The following PARVA variants were observed in gnomAD, a reference collection of about 807,000 sequenced individuals.
The protein encoded by PARVA is alpha-parvin.
A neutral mutation model predicts 52.6 loss-of-function variants in PARVA; 25 were observed. That is an observed-to-expected ratio of 0.48 (90% CI 0.35 to 0.66). The LOEUF is 0.66. Ranked by LOEUF, PARVA falls within the 30% of genes least tolerant of loss-of-function variation. PARVA has a pLI of 0.01. For synonymous variants in PARVA, 185 were observed against 179.1 expected, an observed-to-expected ratio of 1.03 and a Z score of -0.26; for missense variants, 373 against 450.9, an observed-to-expected ratio of 0.83 and a Z score of 1.56.
chr11:12,493,753 C>T (rs924668728), intron 4 of PARVA, among the ~76,000 whole-genome samples: 1 of 152,180 alleles, frequency 6.6e-6, no homozygotes, highest in Non-Finnish European at 1.5e-5. Context: ...ATGGAAAACA[C>T]ATTTCTCTAT....
intron 1 of PARVA, among the ~76,000 whole-genome samples, chr11:12,393,064 A>AAAAAAAAAAAAAAAAAAAAAAAAAAAAAG (rs1939684605): frequency 6.8e-6 from 1 of 146,700 alleles, no homozygotes. Context: ...AAAAAAAAAA[A>AAAAAAAAAAAAAAAAAAAAAAAAAAAAAG]AAAGAAAGAA....
intron 1 of PARVA, among the ~76,000 whole-genome samples, chr11:12,453,987 G>A (rs1940659918): frequency 6.6e-6 from 1 of 152,168 alleles, no homozygotes; most frequent in South Asian, 2.1e-4. Context: ...ACGGATGAAT[G>A]TATAAACCAC....
chr11:12,492,767 C>A (rs1237463456), intron 4 of PARVA, among the ~76,000 whole-genome samples: 1 of 151,982 alleles, frequency 6.6e-6, no homozygotes, highest in East Asian at 1.9e-4. Context: ...AAGATGACAA[C>A]ATACAAGGAA....
intron 5 of PARVA, among the ~76,000 whole-genome samples, chr11:12,500,762 G>C (rs1248489442): frequency 2.7e-5 from 4 of 150,928 alleles, no homozygotes; most frequent in African/African-American, 9.8e-5. Context: ...ATGCACTCCA[G>C]CCTGGGTGAC....
At chr11:12,428,564 A>G (rs1467972747) in intron 1 of PARVA, among the ~76,000 whole-genome samples, 1 of 152,218 alleles carries the variant, frequency 6.6e-6, no homozygotes, top group Non-Finnish European at 1.5e-5. Context: ...TCCCTGGCAT[A>G]GTATCTGGCA....
At chr11:12,459,117 A>G (rs1032440627) in intron 1 of PARVA, among the ~76,000 whole-genome samples, 2 of 152,162 alleles carry the variant, frequency 1.3e-5, no homozygotes, top group African/African-American at 4.8e-5. Flanking sequence ...TTCCTTACCC[A>G]TGAAAGAGAA....
chr11:12,474,043 C>A, intron 3 of PARVA, 60 bp downstream of exon 3: 1 of 1,342,212 alleles, frequency 7.5e-7, no homozygotes, highest in South Asian at 1.3e-5. Flanking sequence ...GTCCATATGC[C>A]ACCTGCTCTG....
At chr11:12,479,452 T>A (rs1178471978) in intron 4 of PARVA, 1 of 152,160 alleles carries the variant, frequency 6.6e-6, no homozygotes, top group African/African-American at 2.4e-5. Flanking sequence ...ACAGGGCATG[T>A]ACCATCATGC....
chr11:12,505,410 T>C (rs1179458520), intron 6 of PARVA, among the ~76,000 whole-genome samples: 4 of 152,198 alleles, frequency 2.6e-5, no homozygotes, highest in Admixed American at 6.5e-5. Context: ...GGATCAGCTG[T>C]CAACAGGAGG....
intron 4 of PARVA, among the ~76,000 whole-genome samples, chr11:12,492,691 T>G (rs1941247978): frequency 6.6e-6 from 1 of 152,162 alleles, no homozygotes; most frequent in Non-Finnish European, 1.5e-5. Context: ...GATAATGATG[T>G]TTTATTTGTA....
intron 1 of PARVA, among the ~76,000 whole-genome samples, chr11:12,384,379 A>G (rs1939540961): frequency 6.6e-6 from 1 of 152,218 alleles, no homozygotes; most frequent in African/African-American, 2.4e-5. Flanking sequence ...AACACGTACC[A>G]TGCACTGTAC....
intron 1 of PARVA, among the ~76,000 whole-genome samples, chr11:12,467,810 TGC>T (rs1385452094): frequency 2.6e-5 from 4 of 152,228 alleles, no homozygotes; most frequent in Non-Finnish European, 4.4e-5. Context: ...AATGGTTTTT[TGC>T]AAGTACAGAT....
rs374458438 is a variant in PARVA, at chr11:12,496,571, C to T, written c.514C>T (p.Pro172Ser). The T allele has an allele frequency of 1.2e-5, 20 of 1,612,162 alleles. No individual in the cohort carries two copies. In the African/African-American group the frequency reaches 2.7e-4, roughly 22 times the overall value. Residue 172 changes from proline to serine, a missense_variant, in exon 5 of 13, where the codon CCC becomes TCC. By Grantham distance (74) the Pro-to-Ser change is moderately conservative. Transcript: ENST00000334956. ...GATCAATGAAACCCTGAAACTTCCT[C>T]CCAGGAGCATCAAGTGGAATGTGGA... ...EKINETLKLP[P>S]RSIKWNVDSV...
At chr11:12,513,836 C>A in intron 9 of PARVA, 161 bp from the exon 10 acceptor site, 1 of 647,652 alleles carries the variant, frequency 1.5e-6, no homozygotes, top group South Asian at 1.8e-5. Flanking sequence ...CCTGTGCACT[C>A]AATGGCCTTT....
chr11:12,476,543 C>G (rs757509295), intron 3 of PARVA, among the ~76,000 whole-genome samples: 5 of 152,156 alleles, frequency 3.3e-5, no homozygotes, highest in Non-Finnish European at 7.4e-5. Flanking sequence ...CTGGAAGCCT[C>G]CCCTCATTCC....
intron 1 of PARVA, among the ~76,000 whole-genome samples, chr11:12,463,091 A>G (rs796758220): frequency 3.4e-4 from 51 of 152,118 alleles, no homozygotes; most frequent in African/African-American, 1.2e-3. Context: ...CAAAGGGAGT[A>G]CAGAGTTTTC....
intron 1 of PARVA, among the ~76,000 whole-genome samples, chr11:12,428,268 G>A (rs930247807): frequency 1.3e-5 from 2 of 152,210 alleles, no homozygotes; most frequent in East Asian, 1.9e-4. Flanking sequence ...TTTCTATATC[G>A]TGTGCAGGCC....
At chr11:12,458,652 G>A (rs1424762616) in intron 1 of PARVA, among the ~76,000 whole-genome samples, 6 of 152,136 alleles carry the variant, frequency 3.9e-5, no homozygotes, top group Admixed American at 1.3e-4. Flanking sequence ...CTCTGGGTGG[G>A]CACAGCAGAT....
intron 6 of PARVA, 111 bp downstream of exon 6, chr11:12,504,540 A>AGCCT: frequency 1.5e-6 from 1 of 687,648 alleles, no homozygotes; most frequent in Non-Finnish European, 2.6e-6. Context: ...ATGTTGAGTG[A>AGCCT]GCCTGGGTGT....
Sources: allele counts gnomAD v4.1 joint callset (sites outside exome capture counted in the v4.1 genomes callset), GRCh38; gene constraint gnomAD v4.1.1; transcripts MANE v1.5; gene names NCBI Gene and HGNC (gene_info 2026-07-23, HGNC 2026-07-21).